The following DAB1 variants were observed in gnomAD, a reference collection of about 807,000 sequenced individuals.
DAB1 encodes disabled homolog 1.
In DAB1, 15 loss-of-function variants were observed where a neutral mutation model predicts 64.6. The ratio of observed to expected loss-of-function variants is 0.23; its 90% CI spans 0.16 to 0.36. The LOEUF (loss-of-function observed/expected upper bound fraction) is 0.36, where lower values mean the gene tolerates loss of function less well. Among genes scored for constraint, DAB1 ranks in the 10% least tolerant of loss-of-function variants. The pLI, the probability that DAB1 is intolerant of heterozygous loss-of-function variation, is 1.00. For missense variants in DAB1, 596 were observed against 706.7 expected, an observed-to-expected ratio of 0.84 and a Z score of 1.78; for synonymous variants, 235 against 251.9, an observed-to-expected ratio of 0.93 and a Z score of 0.64.
intron 2 of DAB1, among the ~76,000 whole-genome samples, chr1:57,216,908 T>A (rs1666470724): frequency 6.6e-6 from 1 of 152,214 alleles, no homozygotes; most frequent in Non-Finnish European, 1.5e-5. Flanking sequence ...CAGTGCTTTT[T>A]CTGACTTCCT....
At chr1:57,128,441 A>G (rs946324586) in intron 4 of DAB1, among the ~76,000 whole-genome samples, 1 of 152,192 alleles carries the variant, frequency 6.6e-6, no homozygotes, top group Admixed American at 6.5e-5. Context: ...ATTTTTACAA[A>G]TAAAGTTTTA....
At chr1:58,138,050 T>C (rs985645843) in intron 5 of DAB1, among the ~76,000 whole-genome samples, 2 of 152,204 alleles carry the variant, frequency 1.3e-5, no homozygotes, top group African/African-American at 4.8e-5. Flanking sequence ...TGATATTATT[T>C]AAAAATATAA....
At chr1:58,458,833 A>C (rs927630796) in intron 3 of DAB1, among the ~76,000 whole-genome samples, 12 of 149,022 alleles carry the variant, frequency 8.1e-5, no homozygotes, top group East Asian at 1.9e-4. Context: ...AAACAAACAA[A>C]AAAAAAAAAC....
intron 3 of DAB1, among the ~76,000 whole-genome samples, chr1:58,429,004 C>T (rs1268879185): frequency 1.3e-5 from 2 of 152,156 alleles, no homozygotes; most frequent in Non-Finnish European, 2.9e-5. Context: ...GTGATGGTTA[C>T]ATATGTTTTG....
intron 3 of DAB1, among the ~76,000 whole-genome samples, chr1:58,442,672 T>A (rs755256815): frequency 6.6e-6 from 1 of 152,222 alleles, no homozygotes; most frequent in Non-Finnish European, 1.5e-5. Flanking sequence ...ACTGACAAGC[T>A]GTGTGTCCTT....
chr1:57,552,067 G>A (rs1016611239), intron 7 of DAB1, among the ~76,000 whole-genome samples: 1 of 152,132 alleles, frequency 6.6e-6, no homozygotes, highest in Admixed American at 6.5e-5. Context: ...TTTTCCTCCT[G>A]TACATCGCAG....
At chr1:57,854,418 G>GT (rs1653666238) in intron 1 of DAB1, among the ~76,000 whole-genome samples, 2 of 152,150 alleles carry the variant, frequency 1.3e-5, no homozygotes, top group Admixed American at 1.3e-4. Flanking sequence ...AGCCCAACAT[G>GT]GGAAGGGGGT....
intron 2 of DAB1, among the ~76,000 whole-genome samples, chr1:58,513,603 A>G (rs1320320996): frequency 2.0e-5 from 3 of 152,198 alleles, no homozygotes; most frequent in Admixed American, 2.0e-4. Flanking sequence ...TGGTCCTAGA[A>G]TATTTTTTGA....
intron 6 of DAB1, among the ~76,000 whole-genome samples, chr1:57,724,403 A>AG (rs1647184813): frequency 6.6e-6 from 1 of 152,042 alleles, no homozygotes; most frequent in Admixed American, 6.6e-5. Flanking sequence ...AAGTCCTCAG[A>AG]GGGAGAGATC....
intron 1 of DAB1, chr1:57,862,645 T>C (rs1204038585): frequency 6.6e-6 from 1 of 152,176 alleles, no homozygotes; most frequent in Non-Finnish European, 1.5e-5. Context: ...ATCTAAATTC[T>C]ACCAAAGGAG....
intron 4 of DAB1, among the ~76,000 whole-genome samples, chr1:58,282,741 G>T (rs1661591766): frequency 6.6e-6 from 1 of 152,128 alleles, no homozygotes; most frequent in East Asian, 1.9e-4. Context: ...CAAAATAAAA[G>T]ACATGCCATT....
intron 3 of DAB1, among the ~76,000 whole-genome samples, chr1:58,356,860 C>CA (rs1644116355): frequency 6.6e-6 from 1 of 151,682 alleles, no homozygotes; most frequent in Non-Finnish European, 1.5e-5. Flanking sequence ...CTGGGCTCTA[C>CA]AAAAAATTTT....
At chr1:57,868,691 T>C (rs1466190379) in intron 1 of DAB1, among the ~76,000 whole-genome samples, 1 of 152,150 alleles carries the variant, frequency 6.6e-6, no homozygotes, top group African/African-American at 2.4e-5. Context: ...GGACTCTGTA[T>C]TGTTCTCAGT....
chr1:58,273,802 C>T (rs1273468332), intron 4 of DAB1, among the ~76,000 whole-genome samples: 2 of 99,214 alleles, frequency 2.0e-5, no homozygotes, highest in African/African-American at 4.0e-5. Context: ...TTGATCGCAT[C>T]GGCTCCTGAG....
intron 3 of DAB1, among the ~76,000 whole-genome samples, chr1:58,351,350 G>A (rs12141639): frequency 0.056 from 8,454 of 152,180 alleles, 329 homozygotes; most frequent in Middle Eastern, 0.099. Flanking sequence ...AGCCCGGAAA[G>A]ATCAAAAGGG....
intron 5 of DAB1, among the ~76,000 whole-genome samples, chr1:58,085,588 G>A (rs1479149299): frequency 6.6e-6 from 1 of 151,648 alleles, no homozygotes; most frequent in Non-Finnish European, 1.5e-5. Context: ...GGCTGGTCTT[G>A]AACTCCTGGA....
At chr1:57,945,328 T>C (rs918203393) in intron 5 of DAB1, among the ~76,000 whole-genome samples, 4 of 152,120 alleles carry the variant, frequency 2.6e-5, no homozygotes, top group South Asian at 2.1e-4. Flanking sequence ...GGTTTGTTCA[T>C]AGCTCACTGC....
chr1:58,177,627 T>C (rs1246443287), intron 4 of DAB1, among the ~76,000 whole-genome samples: 1 of 152,036 alleles, frequency 6.6e-6, no homozygotes, highest in Non-Finnish European at 1.5e-5. Flanking sequence ...AGCAAACTGA[T>C]ATTAACTACC....
chr1:57,116,162 C>T (rs374426584), intron 4 of DAB1, among the ~76,000 whole-genome samples: 33 of 152,062 alleles, frequency 2.2e-4, no homozygotes, highest in South Asian at 1.2e-3. Flanking sequence ...AGTGTGGATT[C>T]GCTTAGAAAG....
Sources: allele counts gnomAD v4.1 joint callset (sites outside exome capture counted in the v4.1 genomes callset), GRCh38; gene constraint gnomAD v4.1.1; transcripts MANE v1.5; gene names NCBI Gene and HGNC (gene_info 2026-07-23, HGNC 2026-07-21).